The following MGAT5 variants were observed in gnomAD, a reference collection of about 807,000 sequenced individuals.
The protein encoded by MGAT5 is alpha-1,6-mannosylglycoprotein 6-beta-N-acetylglucosaminyltransferase A.
A neutral mutation model predicts 94.3 loss-of-function variants in MGAT5; 30 were observed. The observed-to-expected ratio is 0.32, with a 90% confidence interval of 0.24 to 0.43. MGAT5 has a LOEUF of 0.43. Ranked by LOEUF, MGAT5 falls within the 20% of genes least tolerant of loss-of-function variation. The probability of loss-of-function intolerance (pLI) is 1.00; values close to 1 mark genes in which losing one functional copy is unlikely to be tolerated. For synonymous variants in MGAT5, 310 were observed against 322.9 expected (o/e 0.96, Z 0.43); for missense variants, 691 against 905.5 (o/e 0.76, Z 3.04).
chr2:134,445,540 A>G (rs1461071680), intron 15 of MGAT5, among the ~76,000 whole-genome samples: 1 of 152,178 alleles, frequency 6.6e-6, no homozygotes, highest in Non-Finnish European at 1.5e-5. Flanking sequence ...TGTGTCAGGA[A>G]GGGACTGGTG....
chr2:134,183,208 C>CCT (rs1406659887), intron 1 of MGAT5, among the ~76,000 whole-genome samples: 1 of 152,194 alleles, frequency 6.6e-6, no homozygotes, highest in Non-Finnish European at 1.5e-5. Context: ...CACAAAAATT[C>CCT]CTTGTTCCAT....
chr2:134,235,071 A>C (rs1410165645), intron 1 of MGAT5, among the ~76,000 whole-genome samples: 1 of 152,072 alleles, frequency 6.6e-6, no homozygotes, highest in Non-Finnish European at 1.5e-5. Flanking sequence ...CTTCTTTGGA[A>C]AATTGGAAGA....
chr2:134,253,778 C>T (rs1264824405), upstream of MGAT5, among the ~76,000 whole-genome samples: 1 of 152,214 alleles, frequency 6.6e-6, no homozygotes, highest in Non-Finnish European at 1.5e-5. Context: ...CAATCTACCT[C>T]TTCTTTGTCT....
At chr2:134,382,323 T>C (rs1456093813) in intron 10 of MGAT5, among the ~76,000 whole-genome samples, 1 of 152,104 alleles carries the variant, frequency 6.6e-6, no homozygotes, top group Non-Finnish European at 1.5e-5. Flanking sequence ...GACATTGTGA[T>C]AGAAGCTCCC....
chr2:134,186,545 A>G (rs546965548), intron 1 of MGAT5, among the ~76,000 whole-genome samples: 97 of 152,272 alleles, frequency 6.4e-4, no homozygotes, highest in African/African-American at 2.2e-3. Flanking sequence ...TAGGGAGTCC[A>G]TGTCTTCCTA....
At chr2:134,437,032 A>G (rs1400892827) in intron 14 of MGAT5, among the ~76,000 whole-genome samples, 1 of 152,222 alleles carries the variant, frequency 6.6e-6, no homozygotes, top group African/African-American at 2.4e-5. Context: ...TCTGTCGCCC[A>G]GGCTGGAGAG....
At position 134,133,770 on chromosome 2, in the gene MGAT5, G is replaced by C. The variant is rs79081787; in HGVS notation, c.-143+13479G>C. Among the ~76,000 whole-genome samples the C allele has an allele frequency of 0.015, 2,293 of 152,216 alleles. 136 individuals are homozygous for C. In the East Asian group the frequency reaches 0.18, roughly 12 times the overall value. ...AGAGTTTTTAAGGGTTTTGGAAAGG[G>C]GCAGGCTTGGCGGTTGTTGATTGGT... On this transcript the variant is annotated intron_variant, in intron 1 of 16. Transcript: ENST00000409645.
chr2:134,442,885 T>C (rs933232321), intron 15 of MGAT5, among the ~76,000 whole-genome samples: 6 of 148,446 alleles, frequency 4.0e-5, no homozygotes, highest in African/African-American at 9.8e-5. Flanking sequence ...AAGACCCTGC[T>C]GTCCCAACTC....
intron 9 of MGAT5, among the ~76,000 whole-genome samples, chr2:134,352,414 G>T (rs2106061590): frequency 6.6e-6 from 1 of 152,216 alleles, no homozygotes; most frequent in South Asian, 2.1e-4. Flanking sequence ...GGCATGTCTA[G>T]GATATTTTAA....
chr2:134,320,777 G>A (rs1441953971), intron 4 of MGAT5, among the ~76,000 whole-genome samples: 1 of 152,184 alleles, frequency 6.6e-6, no homozygotes, highest in African/African-American at 2.4e-5. Flanking sequence ...GCCATAGGGT[G>A]ATGGGGATAG....
chr2:134,281,436 AG>A (rs1305591454), intron 2 of MGAT5, among the ~76,000 whole-genome samples: 1 of 152,198 alleles, frequency 6.6e-6, no homozygotes, highest in African/African-American at 2.4e-5. Flanking sequence ...AATGACTGAA[AG>A]TATTGGTTGC....
At chr2:134,267,200 A>G (rs1311399945) in intron 1 of MGAT5, among the ~76,000 whole-genome samples, 1 of 152,202 alleles carries the variant, frequency 6.6e-6, no homozygotes, top group East Asian at 1.9e-4. Flanking sequence ...GGTCCATTGT[A>G]GTTCTTAAGA....
chr2:134,155,372 CG>C (rs1335857883), intron 1 of MGAT5, among the ~76,000 whole-genome samples: 1 of 152,144 alleles, frequency 6.6e-6, no homozygotes, highest in Non-Finnish European at 1.5e-5. Context: ...TGCAGAGTGA[CG>C]AAGTGGTTGA....
intron 13 of MGAT5, among the ~76,000 whole-genome samples, chr2:134,427,245 C>T (rs1360488929): frequency 1.3e-5 from 2 of 152,158 alleles, no homozygotes; most frequent in Non-Finnish European, 2.9e-5. Flanking sequence ...GGTGCCCCTC[C>T]GTCTACCCTA....
intron 9 of MGAT5, among the ~76,000 whole-genome samples, chr2:134,357,313 A>T (rs1679808175): frequency 6.6e-6 from 1 of 152,180 alleles, no homozygotes; most frequent in Non-Finnish European, 1.5e-5. Flanking sequence ...TGGCATTCAG[A>T]CCATAATGAT....
At chr2:134,356,793 T>C (rs892813113) in intron 9 of MGAT5, among the ~76,000 whole-genome samples, 4 of 152,186 alleles carry the variant, frequency 2.6e-5, no homozygotes, top group African/African-American at 9.7e-5. Context: ...TTGCATTGGT[T>C]GTCCCATCTC....
chr2:134,432,959 A>G (rs1684963690), intron 14 of MGAT5, among the ~76,000 whole-genome samples: 1 of 152,180 alleles, frequency 6.6e-6, no homozygotes, highest in Non-Finnish European at 1.5e-5. Context: ...CATAAAGTTC[A>G]CTGCATATAA....
chr2:134,164,326 C>T (rs1346702149), intron 1 of MGAT5, among the ~76,000 whole-genome samples: 1 of 152,154 alleles, frequency 6.6e-6, no homozygotes, highest in Non-Finnish European at 1.5e-5. Flanking sequence ...AGTGAGTGAT[C>T]AGTAGGAAAT....
rs112876267 is a variant in MGAT5 at position 134,354,644 on chromosome 2, C to T, written c.1246+4706C>T. On this transcript the variant is annotated intron_variant, in intron 9 of 15. Coordinates refer to ENST00000281923, the MANE Select transcript of MGAT5 (RefSeq NM_002410.5). Reference sequence around the variant, plus strand: ...CCCCAGTCTCAGAGGTTCACTGGCACCATCGTCGTCAGGTGTTCTCTTTGC... The same window carrying T: ...CCCCAGTCTCAGAGGTTCACTGGCATCATCGTCGTCAGGTGTTCTCTTTGC... 3.0e-3 allele frequency among the ~76,000 whole-genome samples: 464 copies of T among 152,256 alleles called. 3 individuals are homozygous for T. The highest frequency in any genetic ancestry group is 0.014 in the Middle Eastern group (4 of 294).
Sources: allele counts gnomAD v4.1 joint callset (sites outside exome capture counted in the v4.1 genomes callset), GRCh38; gene constraint gnomAD v4.1.1; transcripts MANE v1.5; gene names NCBI Gene and HGNC (gene_info 2026-07-23, HGNC 2026-07-21).